The following OR9Q1 variants were observed in gnomAD, a reference collection of about 807,000 sequenced individuals.
OR9Q1 encodes the protein olfactory receptor family 9 subfamily Q member 1, also known as olfactory receptor 9Q1.
For synonymous variants in OR9Q1, 153 were observed against 148.6 expected (o/e 1.03, Z -0.22); for missense variants, 374 against 378.8 (o/e 0.99, Z 0.11).
chr11:58,120,582 T>G (rs1854019490), intron 2 of OR9Q1, among the ~76,000 whole-genome samples: 2 of 151,900 alleles, frequency 1.3e-5, no homozygotes. Context: ...GAACTCAATT[T>G]GTAGCCTTTT....
At chr11:58,067,369 C>T (rs981915467) in intron 2 of OR9Q1, among the ~76,000 whole-genome samples, 7 of 152,172 alleles carry the variant, frequency 4.6e-5, no homozygotes, top group Non-Finnish European at 1.0e-4. Flanking sequence ...CCCAAATCTG[C>T]TGCGAATTCT....
intron 2 of OR9Q1, among the ~76,000 whole-genome samples, chr11:58,161,212 T>G (rs1854454168): frequency 6.8e-6 from 1 of 147,988 alleles, no homozygotes; most frequent in Admixed American, 6.8e-5. Flanking sequence ...CTGCATGTTG[T>G]GCACATGTAC....
At chr11:58,103,417 G>T (rs1276832151) in intron 2 of OR9Q1, among the ~76,000 whole-genome samples, 1 of 152,022 alleles carries the variant, frequency 6.6e-6, no homozygotes, top group Non-Finnish European at 1.5e-5. Flanking sequence ...AATCATATCA[G>T]TATCCAATAT....
intron 2 of OR9Q1, among the ~76,000 whole-genome samples, chr11:58,062,243 T>C (rs1042093019): frequency 1.3e-5 from 2 of 152,220 alleles, no homozygotes; most frequent in Non-Finnish European, 2.9e-5. Flanking sequence ...AAGAAATAAC[T>C]GGACCATTGT....
intron 2 of OR9Q1, among the ~76,000 whole-genome samples, chr11:58,112,336 TAGA>T (rs1853910577): frequency 6.6e-6 from 1 of 152,074 alleles, no homozygotes; most frequent in African/African-American, 2.4e-5. Context: ...TTGAGGCGCT[TAGA>T]AGATTACTTT....
intron 1 of OR9Q1, among the ~76,000 whole-genome samples, chr11:58,027,458 C>A (rs141892648): frequency 6.6e-6 from 1 of 152,118 alleles, no homozygotes; most frequent in Non-Finnish European, 1.5e-5. Context: ...AAGGGTTTTA[C>A]GTTTTAAAGA....
Position 58,135,881 on chromosome 11 carries a change from C to A in OR9Q1, c.-14-43550C>A, listed in dbSNP as rs931658495. Among the ~76,000 whole-genome samples the A allele has an allele frequency of 1.8e-4, 28 of 152,208 alleles. 1 individual carries two copies. Among genetic ancestry groups the A allele is most frequent in the Admixed American group, 1.6e-3 (24 of 15,280 alleles). On this transcript the variant is annotated intron_variant, in intron 2 of 2. Coordinates refer to ENST00000335397, the MANE Select transcript of OR9Q1 (RefSeq NM_001005212.4). ...GATCTCTGAGCACTTACTGAAATCCCTTGCAAGTGAACACTTTTCACTTTT... is the reference window on the plus strand; with the variant it reads ...GATCTCTGAGCACTTACTGAAATCCATTGCAAGTGAACACTTTTCACTTTT...
chr11:58,096,552 T>G (rs1853733782), intron 2 of OR9Q1, among the ~76,000 whole-genome samples: 1 of 152,190 alleles, frequency 6.6e-6, no homozygotes, highest in Admixed American at 6.5e-5. Context: ...TCTTGCTGTG[T>G]CACCCAGGCT....
intron 2 of OR9Q1, among the ~76,000 whole-genome samples, chr11:58,102,281 T>C (rs188764867): frequency 3.9e-5 from 6 of 152,210 alleles, no homozygotes; most frequent in Admixed American, 2.0e-4. Context: ...TTAACTTTTT[T>C]CCTCTCATTA....
rs1362939159 is a variant in OR9Q1, at chr11:58,031,542, C to T, written c.-93+7438C>T. The T allele has an allele frequency of 3.1e-6, 5 of 1,614,076 alleles. No homozygotes were observed. The South Asian group carries it at 5.5e-5, about 18-fold the overall frequency. On this transcript the variant is annotated intron_variant, in intron 1 of 2. Coordinates refer to ENST00000335397, the MANE Select transcript of OR9Q1 (RefSeq NM_001005212.4). Reference sequence around the variant, plus strand: ...CTAGCCTTGTCGTGCTCAGATGTCACTTGGAAGGAGACTGTGGATTTCCTG... The same window carrying T: ...CTAGCCTTGTCGTGCTCAGATGTCATTTGGAAGGAGACTGTGGATTTCCTG...
chr11:58,046,183 ACAGGTGGGGT>A (rs1056567898), intron 1 of OR9Q1, among the ~76,000 whole-genome samples: 2 of 151,612 alleles, frequency 1.3e-5, no homozygotes, highest in African/African-American at 4.9e-5. Flanking sequence ...GAAGATCTCA[ACAGGTGGGGT>A]CAGCCCCTTG....
At chr11:58,152,002 T>C (rs1165997090) in intron 2 of OR9Q1, among the ~76,000 whole-genome samples, 1 of 152,156 alleles carries the variant, frequency 6.6e-6, no homozygotes, top group Non-Finnish European at 1.5e-5. Context: ...AACCAGACCA[T>C]TGTTGCATTT....
chr11:58,119,380 T>C (rs1427922938), intron 2 of OR9Q1: 1 of 1,613,686 alleles, frequency 6.2e-7, no homozygotes, highest in Non-Finnish European at 8.5e-7. Context: ...AATCTCCAAT[T>C]TGGGGTGGTC....
At chr11:58,080,270 G>T (rs562328954) in intron 2 of OR9Q1, among the ~76,000 whole-genome samples, 31 of 152,220 alleles carry the variant, frequency 2.0e-4, no homozygotes, top group Admixed American at 2.0e-3. Context: ...GTGTTAATTT[G>T]CTTAGGATCA....
intron 2 of OR9Q1, among the ~76,000 whole-genome samples, chr11:58,098,939 G>C (rs1165807339): frequency 6.6e-6 from 1 of 151,870 alleles, no homozygotes; most frequent in Admixed American, 6.6e-5. Context: ...TCCTATGCAT[G>C]GTTTATTCAT....
intron 2 of OR9Q1, among the ~76,000 whole-genome samples, chr11:58,094,161 G>A (rs1590586202): frequency 6.6e-6 from 1 of 152,132 alleles, no homozygotes; most frequent in Admixed American, 6.6e-5. Flanking sequence ...GGAACTGGAG[G>A]CCATTATCTT....
At chr11:58,138,168 G>T (rs1269204814) in intron 2 of OR9Q1, among the ~76,000 whole-genome samples, 1 of 152,068 alleles carries the variant, frequency 6.6e-6, no homozygotes, top group East Asian at 1.9e-4. Context: ...ATAGGAAAAT[G>T]CTTCCTCCTC....
At chr11:58,153,290 GC>G (rs1854371960) in intron 2 of OR9Q1, among the ~76,000 whole-genome samples, 1 of 152,310 alleles carries the variant, frequency 6.6e-6, no homozygotes, top group East Asian at 1.9e-4. Context: ...GGATGCCTTG[GC>G]TTTTAGAGTT....
chr11:58,178,998 GAGAGAA>G (rs1364686834), intron 2 of OR9Q1, among the ~76,000 whole-genome samples: 13 of 130,876 alleles, frequency 9.9e-5, no homozygotes, highest in African/African-American at 3.6e-4. Context: ...TAGAGAGAGA[GAGAGAA>G]AGAAAGAAAG....
Sources: gnomAD v4.1 joint callset for allele counts (sites outside exome capture counted in the v4.1 genomes callset) on GRCh38, gnomAD v4.1.1 for gene constraint, MANE v1.5 for transcripts, NCBI Gene and HGNC (gene_info 2026-07-23, HGNC 2026-07-21) for gene names.